The following TMEM135 variants were observed in gnomAD, a reference collection of about 807,000 sequenced individuals.
The protein encoded by TMEM135 is peroxisomal membrane protein 52.
A neutral mutation model predicts 60.3 loss-of-function variants in TMEM135; 30 were observed. The ratio of observed to expected loss-of-function variants is 0.50; its 90% CI spans 0.37 to 0.68. The LOEUF is 0.68. Among genes scored for constraint, TMEM135 ranks in the 30% least tolerant of loss-of-function variants. The pLI is 0.00. For missense variants in TMEM135, 468 were observed against 548.8 expected, an observed-to-expected ratio of 0.85 and a Z score of 1.47; for synonymous variants, 190 against 186.7, an observed-to-expected ratio of 1.02 and a Z score of -0.14.
At chr11:87,314,686 G>A (rs1477373559) in intron 12 of TMEM135, 139 bp downstream of exon 12, 1 of 696,256 alleles carries the variant, frequency 1.4e-6, no homozygotes, top group African/African-American at 1.8e-5. Flanking sequence ...TGATTCCCCT[G>A]TGTTTTTCTT....
rs180976965 is a variant in TMEM135 at position 87,176,361 on chromosome 11, T to C, written c.462+18955T>C. On this transcript the variant is annotated intron_variant, in intron 5 of 14. Transcript: ENST00000305494. ...GAAGCAGCTTGAGGCCCTTACCATA[T>C]GCATATGCTAGCCCCATGTGTCTTG... Among the ~76,000 whole-genome samples, 475 of 152,254 alleles carry C rather than the reference T, an allele frequency of 3.1e-3. 1 individual carries two copies. The highest frequency in any genetic ancestry group is 0.024 in the Middle Eastern group (7 of 294).
intron 5 of TMEM135, among the ~76,000 whole-genome samples, chr11:87,222,287 G>C (rs1940642353): frequency 6.7e-6 from 1 of 150,110 alleles, no homozygotes; most frequent in African/African-American, 2.5e-5. Flanking sequence ...ACGAGGTCAG[G>C]AGATCGAGAC....
At chr11:87,055,722 C>G (rs1032679641) in intron 1 of TMEM135, among the ~76,000 whole-genome samples, 1 of 152,042 alleles carries the variant, frequency 6.6e-6, no homozygotes, top group Non-Finnish European at 1.5e-5. Context: ...TCCTGTGTAG[C>G]TGGGACTACA....
chr11:87,194,278 A>G (rs1324941970), intron 5 of TMEM135, among the ~76,000 whole-genome samples: 2 of 152,210 alleles, frequency 1.3e-5, no homozygotes, highest in Non-Finnish European at 2.9e-5. Flanking sequence ...AATCAACAAA[A>G]TACCTCCACA....
Position 87,325,451 on chromosome 11 carries a change from T to G in TMEM135, c.*4118T>G, listed in dbSNP as rs1241880656. The G allele has an allele frequency of 4.4e-6, 2 of 453,940 alleles. No individual in the cohort carries two copies. Among genetic ancestry groups the G allele is most frequent in the Admixed American group, 4.7e-5 (2 of 42,544 alleles). The allele number at this position is 453,940 out of a possible 1,614,324, so 28.1% of individuals were successfully genotyped here. A position where few individuals can be genotyped will look rare whatever the true frequency, so the allele number is the denominator to read the frequency against. On this transcript the variant is annotated 3_prime_UTR_variant, in exon 15 of 15. Coordinates refer to ENST00000305494, the MANE Select transcript of TMEM135 (RefSeq NM_022918.4). ...TTGGTTGGAGGAAAGAATTTATATC[T>G]GGTCTTTTGGAAATTATTCTGTTGC...
Position 87,326,795 on chromosome 11 carries a change from C to T in TMEM135, c.*5462C>T, listed in dbSNP as rs1388279983. On this transcript the variant is annotated 3_prime_UTR_variant, in exon 15 of 15. Coordinates refer to ENST00000305494, the MANE Select transcript of TMEM135 (RefSeq NM_022918.4). ...AATTCAGTTGCATCTGAATCTGAGT[C>T]GGCAGTTTTTGATAGCCTGTCACTG... The T allele has an allele frequency of 1.1e-5, 5 of 445,862 alleles. No homozygotes were observed. The highest frequency in any genetic ancestry group is 7.0e-5 in the East Asian group (1 of 14,364). 27.6% of individuals were successfully genotyped at this position (445,862 alleles called of 1,614,324 possible).
intron 6 of TMEM135, 118 bp downstream of exon 6, chr11:87,236,802 C>G (rs903491112): frequency 1.1e-6 from 1 of 917,010 alleles, no homozygotes; most frequent in East Asian, 2.5e-5. Flanking sequence ...GCATACTCCC[C>G]CCGCACCCCC....
At chr11:87,117,042 C>G (rs867155624) in intron 4 of TMEM135, among the ~76,000 whole-genome samples, 3 of 152,056 alleles carry the variant, frequency 2.0e-5, no homozygotes, top group Non-Finnish European at 2.9e-5. Flanking sequence ...AGGCTGGTCT[C>G]TAACTTCTGA....
chr11:87,221,915 G>A (rs1940625951), intron 5 of TMEM135, among the ~76,000 whole-genome samples: 1 of 152,038 alleles, frequency 6.6e-6, no homozygotes, highest in Admixed American at 6.6e-5. Context: ...AATTGGGCTG[G>A]GGCCCGGCAC....
intron 5 of TMEM135, among the ~76,000 whole-genome samples, chr11:87,166,133 G>T (rs1939037693): frequency 6.6e-6 from 1 of 151,738 alleles, no homozygotes; most frequent in Admixed American, 6.6e-5. Flanking sequence ...TTTGAGAAGT[G>T]TCTGTTCATG....
chr11:87,249,804 T>C (rs1941373842), intron 6 of TMEM135, among the ~76,000 whole-genome samples: 1 of 152,200 alleles, frequency 6.6e-6, no homozygotes, highest in Admixed American at 6.5e-5. Flanking sequence ...TTGGTTTTGA[T>C]ATCAGGGTAC....
intron 5 of TMEM135, 144 bp downstream of exon 5, chr11:87,157,550 C>A: frequency 1.5e-6 from 1 of 672,688 alleles, no homozygotes; most frequent in Non-Finnish European, 2.5e-6. Context: ...ACCTGATGAA[C>A]AAATCCATTT....
chr11:87,251,276 A>G (rs927371066), intron 6 of TMEM135, among the ~76,000 whole-genome samples: 2 of 152,130 alleles, frequency 1.3e-5, no homozygotes, highest in African/African-American at 2.4e-5. Flanking sequence ...AGAGTAAGAA[A>G]AAGTGTTCCA....
intron 6 of TMEM135, among the ~76,000 whole-genome samples, chr11:87,247,125 C>G (rs1010524459): frequency 6.6e-6 from 1 of 150,964 alleles, no homozygotes; most frequent in African/African-American, 2.4e-5. Flanking sequence ...CACTCCAGAC[C>G]CTGTTTGCCT....
At chr11:87,078,392 C>T (rs1470053022) in intron 3 of TMEM135, among the ~76,000 whole-genome samples, 1 of 152,110 alleles carries the variant, frequency 6.6e-6, no homozygotes, top group Non-Finnish European at 1.5e-5. Flanking sequence ...AATGTCTATT[C>T]AAATCCTTTG....
intron 5 of TMEM135, among the ~76,000 whole-genome samples, chr11:87,187,887 G>A (rs1034932944): frequency 6.6e-6 from 1 of 151,984 alleles, no homozygotes; most frequent in African/African-American, 2.4e-5. Context: ...CCTGGCTAGG[G>A]GCTGTTTATT....
chr11:87,120,850 C>G (rs1858037988), intron 4 of TMEM135, among the ~76,000 whole-genome samples: 1 of 152,126 alleles, frequency 6.6e-6, no homozygotes, highest in Admixed American at 6.5e-5. Context: ...AGTGAAAATA[C>G]ATGATCTAGA....
intron 5 of TMEM135, among the ~76,000 whole-genome samples, chr11:87,182,273 A>G (rs532536584): frequency 6.6e-6 from 1 of 152,230 alleles, no homozygotes; most frequent in African/African-American, 2.4e-5. Context: ...TCAAATTAAG[A>G]TAAGAAAAAG....
At chr11:87,178,561 G>A (rs1939439721) in intron 5 of TMEM135, 2 of 455,190 alleles carry the variant, frequency 4.4e-6, no homozygotes, top group Non-Finnish European at 8.8e-6. Flanking sequence ...GAGTAGCTGG[G>A]ACTACAGGGG....
Sources: allele counts gnomAD v4.1 joint callset (sites outside exome capture counted in the v4.1 genomes callset), GRCh38; gene constraint gnomAD v4.1.1; transcripts MANE v1.5; gene names NCBI Gene and HGNC (gene_info 2026-07-23, HGNC 2026-07-21).